The following PAFAH2 variants were observed in gnomAD, a reference collection of about 807,000 sequenced individuals.
PAFAH2 encodes platelet activating factor acetylhydrolase 2, also known as platelet-activating factor acetylhydrolase 2, cytoplasmic.
PAFAH2 carries 42 observed loss-of-function variants against 49.0 expected under a neutral mutation model. The observed-to-expected ratio is 0.86, with a 90% CI of 0.67 to 1.11. PAFAH2 has a LOEUF of 1.11. Among genes scored for constraint, PAFAH2 ranks in the 50% least tolerant of loss-of-function variants. PAFAH2 has a pLI of 0.00. For missense variants in PAFAH2, 503 were observed against 501.8 expected (o/e 1.00, Z -0.02); for synonymous variants, 184 against 181.3 (o/e 1.01, Z -0.12).
intron 7 of PAFAH2, among the ~76,000 whole-genome samples, chr1:25,979,392 T>C (rs2049646526): frequency 6.6e-6 from 1 of 151,648 alleles, no homozygotes; most frequent in Non-Finnish European, 1.5e-5. Flanking sequence ...CTTGGCTCAC[T>C]GCAACCTCCA....
At chr1:25,967,051 G>C (rs1353250535) in intron 10 of PAFAH2, among the ~76,000 whole-genome samples, 2 of 106,698 alleles carry the variant, frequency 1.9e-5, no homozygotes, top group Non-Finnish European at 4.3e-5. Flanking sequence ...AAAAAAAAAA[G>C]ACTGTGAAGA....
At chr1:25,963,031 G>T (rs1287401676) in intron 10 of PAFAH2, among the ~76,000 whole-genome samples, 1 of 152,032 alleles carries the variant, frequency 6.6e-6, no homozygotes, top group Non-Finnish European at 1.5e-5. Context: ...AGCCAATAGG[G>T]GTAACTACAC....
In PAFAH2 at chr1:25,974,556, AT is replaced by A; in HGVS notation, c.852del (p.Lys284AsnfsTer10). Reference sequence around the variant, plus strand: ...AAATTGACACTCTCCATTGTCTGGAATTTCTCAGTATTGATAAAGAACACAG... The same window carrying A: ...AAATTGACACTCTCCATTGTCTGGAATTCTCAGTATTGATAAAGAACACAG... ...RGPVFFINTE[K>X]FQTMESVNLM... On this transcript the variant is annotated frameshift_variant, in exon 9 of 11. Coordinates refer to ENST00000374282, the MANE Select transcript of PAFAH2 (RefSeq NM_000437.4). LOFTEE classifies it high-confidence loss of function. The A allele has an allele frequency of 6.2e-7, 1 of 1,614,066 alleles. No homozygotes were observed. The highest frequency in any genetic ancestry group is 8.5e-7 in the Non-Finnish European group (1 of 1,179,952).
chr1:25,982,307 T>C (rs2049701682), intron 7 of PAFAH2, 57 bp downstream of exon 7: 1 of 1,261,648 alleles, frequency 7.9e-7, no homozygotes, highest in Admixed American at 1.7e-5. Context: ...TTTCTGTTAC[T>C]TGTAACCGAG....
intron 10 of PAFAH2, among the ~76,000 whole-genome samples, chr1:25,972,249 C>T (rs565996483): frequency 6.6e-6 from 1 of 150,504 alleles, no homozygotes. Flanking sequence ...GTGTGTGCCA[C>T]CACACCCAGC....
intron 10 of PAFAH2, chr1:25,964,187 A>AG (rs1430882776): frequency 1.3e-5 from 2 of 152,342 alleles, no homozygotes; most frequent in Non-Finnish European, 2.9e-5. Context: ...TATGAAGAAA[A>AG]GACTCTTCAG....
rs144717482 is a variant in PAFAH2 at position 25,983,990 on chromosome 1, G to A, written c.508C>T (p.Arg170Ter). The A allele has an allele frequency of 8.7e-5, 141 of 1,613,962 alleles. No homozygotes were observed. The highest frequency in any genetic ancestry group is 3.5e-4 in the Admixed American group (21 of 59,992). The change falls in exon 6 of 11, where the codon CGA becomes TGA. Residue 170 changes from arginine to a stop codon, truncating the protein, a stop_gained. Coordinates refer to ENST00000374282, the MANE Select transcript of PAFAH2 (RefSeq NM_000437.4). LOFTEE classifies it high-confidence loss of function. ...AATTCCTTCTCCCCTTCCTCAACTC[G>A]ACGGAAAGGGATCCATTCCTCCTGC... ...SLQEEWIPFR[R>*]VEEGEKEFHV...
At chr1:25,980,435 GCCTCA>G (rs2049666910) in intron 7 of PAFAH2, among the ~76,000 whole-genome samples, 1 of 151,246 alleles carries the variant, frequency 6.6e-6, no homozygotes, top group African/African-American at 2.4e-5. Context: ...TGATTCTCCT[GCCTCA>G]GCCTCCCAAG....
chr1:25,970,608 G>A (rs1433496229), intron 10 of PAFAH2, among the ~76,000 whole-genome samples: 1 of 152,072 alleles, frequency 6.6e-6, no homozygotes, highest in East Asian at 1.9e-4. Context: ...ATTTTTTGGA[G>A]ACGGTATCAC....
chr1:25,992,444 A>G (rs1264670424), intron 1 of PAFAH2, among the ~76,000 whole-genome samples: 1 of 152,226 alleles, frequency 6.6e-6, no homozygotes, highest in African/African-American at 2.4e-5. Flanking sequence ...CCTACGGCTC[A>G]GCTGCTTCCT....
chr1:25,978,806 G>A (rs540745643), intron 7 of PAFAH2, among the ~76,000 whole-genome samples: 12 of 152,296 alleles, frequency 7.9e-5, no homozygotes, highest in Non-Finnish European at 1.3e-4. Context: ...CTTTATGTAG[G>A]AGAGAAATAC....
At chr1:25,984,396 A>G (rs2049746434) in intron 5 of PAFAH2, 64 bp downstream of exon 5, 1 of 1,193,004 alleles carries the variant, frequency 8.4e-7, no homozygotes, top group African/African-American at 1.5e-5. Flanking sequence ...TAGTACATTG[A>G]TAGGGGACTA....
intron 1 of PAFAH2, among the ~76,000 whole-genome samples, chr1:25,994,913 A>G (rs2049918934): frequency 6.6e-6 from 1 of 152,228 alleles, no homozygotes; most frequent in Admixed American, 6.5e-5. Flanking sequence ...GAGTGAAGCT[A>G]ACACGCAAAT....
intron 7 of PAFAH2, among the ~76,000 whole-genome samples, chr1:25,981,851 T>C (rs549494789): frequency 1.2e-3 from 184 of 152,074 alleles, no homozygotes; most frequent in Non-Finnish European, 2.1e-3. Flanking sequence ...TGAAACCCCG[T>C]CTCTAGTAAA....
intron 10 of PAFAH2, chr1:25,964,374 T>A (rs1389950398): frequency 6.6e-6 from 1 of 152,142 alleles, no homozygotes; most frequent in African/African-American, 2.4e-5. Context: ...GACTCTTCAG[T>A]AAAGTTTCAG....
intron 2 of PAFAH2, among the ~76,000 whole-genome samples, chr1:25,989,883 A>C (rs2049848770): frequency 6.6e-6 from 1 of 152,182 alleles, no homozygotes; most frequent in Non-Finnish European, 1.5e-5. Context: ...GGGACAATGA[A>C]AGATTTAAAT....
intron 10 of PAFAH2, among the ~76,000 whole-genome samples, 178 bp from the exon 11 acceptor site, chr1:25,962,261 T>C (rs1164893004): frequency 6.6e-6 from 1 of 152,156 alleles, no homozygotes; most frequent in East Asian, 1.9e-4. Flanking sequence ...ATTCAGTGCC[T>C]TTATAAATGA....
intron 5 of PAFAH2, 125 bp from the exon 6 acceptor site, chr1:25,984,212 C>A (rs2049742639): frequency 2.7e-6 from 3 of 1,125,678 alleles, no homozygotes; most frequent in East Asian, 4.7e-5. Flanking sequence ...GGAAGGAGAT[C>A]TGGGGCATGC....
chr1:25,993,987 G>C (rs12042915), intron 1 of PAFAH2, among the ~76,000 whole-genome samples: 2 of 152,066 alleles, frequency 1.3e-5, no homozygotes, highest in South Asian at 4.1e-4. Context: ...GAGAAACAAC[G>C]CAAGGTGAGA....
Sources: allele counts gnomAD v4.1 joint callset (sites outside exome capture counted in the v4.1 genomes callset), GRCh38; gene constraint gnomAD v4.1.1; transcripts MANE v1.5; gene names NCBI Gene and HGNC (gene_info 2026-07-23, HGNC 2026-07-21).